The following MICALL2 variants were observed in gnomAD, a reference collection of about 807,000 sequenced individuals.
MICALL2 encodes MICAL-like protein 2.
In MICALL2, 111 loss-of-function variants were observed where a neutral mutation model predicts 91.1. That is an observed-to-expected ratio of 1.22 (90% CI 1.04 to 1.43). The LOEUF is 1.43. MICALL2 is among the 40% of genes most tolerant of loss of function. The pLI is 0.00. For missense variants in MICALL2, 1,556 were observed against 1,236.0 expected (o/e 1.26, Z -3.88); for synonymous variants, 694 against 525.3 (o/e 1.32, Z -4.39).
Position 1,438,894 on chromosome 7 carries a change from G to A in MICALL2, c.2068C>T (p.Arg690Ter), listed in dbSNP as rs142475194. ...LRPEPPGQEA[R>*]VQSWKEEEKK... ...TCCTCCTCCTTCCAGCTCTGCACTC[G>A]GGCTTCCTGGCCAGGGGGCTCCGGC... The change falls in exon 10 of 17, where the codon CGA becomes TGA. Residue 690 changes from arginine to a stop codon, truncating the protein, a stop_gained. Coordinates refer to ENST00000297508, the MANE Select transcript of MICALL2 (RefSeq NM_182924.4). LOFTEE classifies it high-confidence loss of function. 34 of 1,610,406 alleles carry A rather than the reference G, an allele frequency of 2.1e-5. No individual in the cohort carries two copies. The highest frequency in any genetic ancestry group is 1.3e-4 in the African/African-American group (10 of 74,912).
At chr7:1,439,723 A>G (rs894830580) in intron 9 of MICALL2, 48 of 444,934 alleles carry the variant, frequency 1.1e-4, no homozygotes, top group Middle Eastern at 1.1e-3. Flanking sequence ...GGCATCACAT[A>G]CATGAACACA....
Position 1,437,870 on chromosome 7 carries a change from G to A in MICALL2, c.2402+20C>T, listed in dbSNP as rs139666875. On this transcript the variant is annotated intron_variant, in intron 13 of 16. Coordinates refer to ENST00000297508, the MANE Select transcript of MICALL2 (RefSeq NM_182924.4). The stretch of plus-strand genomic sequence containing the variant: ...ACGAGGTCCTGGCCTTCGAGGAGGG[G>A]CCCACGGCTGGGCTCTCACTTGTAC... The A allele has an allele frequency of 5.6e-4, 861 of 1,545,156 alleles. 7 individuals are homozygous for A. In the African/African-American group the frequency reaches 9.9e-3, roughly 18 times the overall value.
rs556808514 is a variant in MICALL2 at position 1,445,219 on chromosome 7, G to A, written c.851C>T (p.Pro284Leu). ...GCCCGCAGCAGGCTCCCAGGCCGAC[G>A]GTCTGGCCTTGTTTGCCTCCTGGGC... The part of the protein sequence containing the change: ...QKAQEANKAR[P>L]SAWEPAAGNS... Residue 284 changes from proline to leucine, a missense_variant, in exon 6 of 17, where the codon CCG becomes CTG. By Grantham distance (98) the Pro-to-Leu change is moderately conservative (BLOSUM62 -3). Coordinates refer to ENST00000297508, the MANE Select transcript of MICALL2 (RefSeq NM_182924.4). 1.5e-5 allele frequency: 24 copies of A among 1,608,506 alleles called. No individual in the cohort carries two copies. Among genetic ancestry groups the A allele is most frequent in the East Asian group, 4.5e-5 (2 of 44,614 alleles).
rs368904358 is a variant in MICALL2, at chr7:1,442,458, G to A, written c.1445C>T (p.Pro482Leu). 17 of 1,542,732 alleles carry A rather than the reference G, an allele frequency of 1.1e-5. No individual in the cohort carries two copies. The highest frequency in any genetic ancestry group is 1.5e-5 in the Non-Finnish European group (17 of 1,142,974). The change falls in exon 7 of 17, where the codon CCC becomes CTC. Residue 482 changes from proline (P) to leucine (L), a missense_variant. Pro to Leu is a moderately conservative substitution (Grantham distance 98). Transcript: ENST00000297508. The part of the protein sequence containing the change: ...GRPSPATAAV[P>L]SSQPKTEAPQ... ...TGCTTCAGTTTTGGGCTGAGAACTGGGAACAGCGGCAGTGGCTGGGGAGGG... is the reference window on the plus strand; with the variant it reads ...TGCTTCAGTTTTGGGCTGAGAACTGAGAACAGCGGCAGTGGCTGGGGAGGG...
At chr7:1,436,535 G>A (rs1779971706) in intron 15 of MICALL2, among the ~76,000 whole-genome samples, 1 of 133,594 alleles carries the variant, frequency 7.5e-6, no homozygotes, top group Non-Finnish European at 1.5e-5. Flanking sequence ...CCTGGTGACA[G>A]AGCAAGACTC....
chr7:1,456,212 G>A (rs375732679), intron 1 of MICALL2, among the ~76,000 whole-genome samples: 17 of 147,664 alleles, frequency 1.2e-4, no homozygotes, highest in African/African-American at 4.1e-4. Flanking sequence ...CTTGAGGCCA[G>A]GAGTTCAAGA....
At chr7:1,443,301 C>T (rs995151097) in intron 6 of MICALL2, among the ~76,000 whole-genome samples, 5 of 151,800 alleles carry the variant, frequency 3.3e-5, no homozygotes, top group South Asian at 2.1e-4. Context: ...AGAGCGAACT[C>T]GCTCTTCTCC....
In MICALL2 at chr7:1,459,169, C is replaced by A. The variant is rs1032001071; in HGVS notation, c.143+15G>T. The A allele has an allele frequency of 1.5e-5, 24 of 1,601,920 alleles. No individual in the cohort carries two copies. Among genetic ancestry groups the A allele is most frequent in the Non-Finnish European group, 2.0e-5 (24 of 1,173,764 alleles). Reference sequence around the variant, plus strand: ...CGAACAGCAGAAGAATCAAAGGGCGCCAGGCAGGACTTACATGAGGTCGGG... The same window carrying A: ...CGAACAGCAGAAGAATCAAAGGGCGACAGGCAGGACTTACATGAGGTCGGG... On this transcript the variant is annotated intron_variant, in intron 1 of 16. Coordinates refer to ENST00000297508, the MANE Select transcript of MICALL2 (RefSeq NM_182924.4).
chr7:1,435,144 T>G lies in MICALL2; in HGVS notation c.2595A>C (p.Glu865Asp). 1.2e-6 allele frequency: 2 copies of G among 1,613,310 alleles called. No individual in the cohort carries two copies. The highest frequency in any genetic ancestry group is 1.1e-5 in the South Asian group (1 of 91,082). The change falls in exon 16 of 17, where the codon GAA becomes GAC. Residue 865 changes from glutamate (E) to aspartate (D), a missense_variant. Glu to Asp is a conservative substitution (Grantham distance 45, BLOSUM62 2). Transcript: ENST00000297508. ...CCCGCAGCATCTGATCCTCCTCTTGTTCCCTGAAACGGGACCAGATGGCCA... is the reference window on the plus strand; with the variant it reads ...CCCGCAGCATCTGATCCTCCTCTTGGTCCCTGAAACGGGACCAGATGGCCA... ...VDSLDEDRLREQEEDQMLRDM... is the reference protein window; with the variant it reads ...VDSLDEDRLRDQEEDQMLRDM...
chr7:1,440,133 C>T, intron 8 of MICALL2, 48 bp from the exon 9 acceptor site: 1 of 1,558,488 alleles, frequency 6.4e-7, no homozygotes, highest in Non-Finnish European at 8.6e-7. Flanking sequence ...GCCCCAGGGC[C>T]TGGCCCACCT....
chr7:1,448,148 C>T (rs1029395042), intron 3 of MICALL2: 6 of 242,946 alleles, frequency 2.5e-5, no homozygotes, highest in East Asian at 1.8e-4. Flanking sequence ...CAGTTCTATC[C>T]GGGGGCCCCA....
intron 16 of MICALL2, 116 bp downstream of exon 16, chr7:1,434,985 G>T (rs921177988): frequency 1.1e-4 from 29 of 258,710 alleles, no homozygotes; most frequent in South Asian, 4.5e-4. Context: ...CCCGATACCC[G>T]CCCCCCCCCC....
chr7:1,444,216 C>T (rs1780445781), intron 6 of MICALL2, among the ~76,000 whole-genome samples: 1 of 111,468 alleles, frequency 9.0e-6, no homozygotes, highest in African/African-American at 4.5e-5. Context: ...CGCTCGCGAC[C>T]TGTCCCCGCG....
In MICALL2 at chr7:1,458,378, T is replaced by G. The variant is rs1781094288; in HGVS notation, c.143+806A>C. 3.9e-5 allele frequency among the ~76,000 whole-genome samples: 6 copies of G among 152,316 alleles called. No homozygotes were observed. In the South Asian group the frequency reaches 1.2e-3, roughly 32 times the overall value. On this transcript the variant is annotated intron_variant, in intron 1 of 16. Coordinates refer to ENST00000297508, the MANE Select transcript of MICALL2 (RefSeq NM_182924.4). ...CGCTTTGCCCAGAAGGTGCCTGGGCTGCAGGTGGCCGTTGAGGGCCCCCCT... is the reference window on the plus strand; with the variant it reads ...CGCTTTGCCCAGAAGGTGCCTGGGCGGCAGGTGGCCGTTGAGGGCCCCCCT...
rs1780200760 is a variant in MICALL2 at position 1,439,963 on chromosome 7, C to G, written c.1928G>C (p.Arg643Thr). 1.3e-6 allele frequency: 2 copies of G among 1,508,914 alleles called. No individual in the cohort carries two copies. Among genetic ancestry groups the G allele is most frequent in the African/African-American group, 2.9e-5 (2 of 68,324 alleles). The allele number at this position is 1,508,914 out of a possible 1,614,324, so 93.5% of individuals were successfully genotyped here. Residue 643 changes from arginine to threonine, a missense_variant, in exon 9 of 17, where the codon AGG becomes ACG. Arg to Thr is a moderately conservative substitution (Grantham distance 71). Coordinates refer to ENST00000297508, the MANE Select transcript of MICALL2 (RefSeq NM_182924.4). Reference sequence around the variant, plus strand: ...TCCTGGGCTGGCTGGGCGTGGGGTCCTGTCAGGCCTCACGGGGGTCAGGGT... The same window carrying G: ...TCCTGGGCTGGCTGGGCGTGGGGTCGTGTCAGGCCTCACGGGGGTCAGGGT... ...HITLTPVRPD[R>T]TPRPASPGPS... is the part of the protein sequence containing the mutation.
intron 5 of MICALL2, 43 bp from the exon 6 acceptor site, chr7:1,445,471 A>G (rs768744082): frequency 5.0e-5 from 72 of 1,436,588 alleles, no homozygotes; most frequent in South Asian, 1.7e-4. Context: ...GGCACCGCCC[A>G]CCCCGCCACG....
intron 14 of MICALL2, chr7:1,437,095 A>T (rs892987905): frequency 2.0e-6 from 1 of 495,292 alleles, no homozygotes; most frequent in African/African-American, 2.0e-5. Context: ...CGCTGCAGAG[A>T]TATGGACACT....
rs1352808388 is a variant in MICALL2, at chr7:1,434,565, G to A, written c.*31C>T. On this transcript the variant is annotated 3_prime_UTR_variant, in exon 17 of 17. Transcript: ENST00000297508. ...CCCCGAGTCCAAGTCCGGATGCCAG[G>A]TCCGGGCCGAGCCCACGGCCCTACT... 5 of 1,578,224 alleles carry A rather than the reference G, an allele frequency of 3.2e-6. 1 individual carries two copies. In the Admixed American group the frequency reaches 6.7e-5, roughly 21 times the overall value.
intron 1 of MICALL2, among the ~76,000 whole-genome samples, chr7:1,450,984 A>T (rs1018403373): frequency 6.6e-6 from 1 of 152,174 alleles, no homozygotes; most frequent in East Asian, 1.9e-4. Flanking sequence ...GACCTGCCCC[A>T]GGTCACACAG....
Sources: gnomAD v4.1 joint callset for allele counts (sites outside exome capture counted in the v4.1 genomes callset) on GRCh38, gnomAD v4.1.1 for gene constraint, MANE v1.5 for transcripts, NCBI Gene and HGNC (gene_info 2026-07-23, HGNC 2026-07-21) for gene names.